GRID2: variants seen among roughly 807,000 people sequenced by gnomAD.
The protein encoded by GRID2 is glutamate ionotropic receptor delta type subunit 2.
Under a neutral mutation model 114.8 loss-of-function variants are expected in GRID2, and 33 were observed. That is an observed-to-expected ratio of 0.29 (90% confidence interval 0.22 to 0.38). GRID2 has a LOEUF of 0.38. GRID2 is among the 10% of genes least tolerant of loss of function. GRID2 has a pLI of 1.00. For synonymous variants in GRID2, 505 were observed against 449.9 expected (o/e 1.12, Z -1.55); for missense variants, 1,184 against 1,257.7 (o/e 0.94, Z 0.89).
At chr4:92,305,515 T>A (rs1160865331) in intron 1 of GRID2, among the ~76,000 whole-genome samples, 1 of 152,012 alleles carries the variant, frequency 6.6e-6, no homozygotes, top group African/African-American at 2.4e-5. Flanking sequence ...TTAGCAGATA[T>A]CCGCCTTGCC....
At chr4:92,851,876 A>C (rs1304863438) in intron 2 of GRID2, among the ~76,000 whole-genome samples, 3 of 151,994 alleles carry the variant, frequency 2.0e-5, no homozygotes, top group African/African-American at 4.8e-5. Context: ...GGAATGAATC[A>C]AAAAATATGT....
chr4:93,213,352 C>A (rs980709187), intron 5 of GRID2, among the ~76,000 whole-genome samples: 3 of 151,996 alleles, frequency 2.0e-5, no homozygotes, highest in Non-Finnish European at 4.4e-5. Flanking sequence ...AAATAAGAAA[C>A]AAACACCACA....
rs1357398815 is a variant in GRID2, at chr4:93,455,803, G to A, written c.1687G>A (p.Ala563Thr). Residue 563 changes from alanine (A) to threonine (T), a missense_variant, in exon 11 of 16, where the codon GCA becomes ACA. By Grantham distance (58) the Ala-to-Thr change is moderately conservative (BLOSUM62 0). This residue lies in a region of GRID2 where 717 missense variants were observed against 796.9 expected (regional missense o/e 0.90). Coordinates refer to ENST00000282020, the MANE Select transcript of GRID2 (RefSeq NM_001510.4). ...EKTVDMFACL[A>T]PFDLSLWACI... ...GACAGTGGATATGTTTGCCTGTCTT[G>A]CACCATTTGATCTCTCTCTATGGGC... 1 of 1,613,442 alleles carries A rather than the reference G, an allele frequency of 6.2e-7. No individual in the cohort carries two copies. The highest frequency in any genetic ancestry group is 1.3e-5 in the African/African-American group (1 of 74,898).
At chr4:92,863,085 G>A (rs1368497764) in intron 2 of GRID2, among the ~76,000 whole-genome samples, 2 of 152,076 alleles carry the variant, frequency 1.3e-5, no homozygotes, top group Non-Finnish European at 2.9e-5. Context: ...CTTAGAAACT[G>A]TCTTGGAGTT....
At chr4:92,591,461 ATTAAT>A (rs1379792672) in intron 2 of GRID2, among the ~76,000 whole-genome samples, 1 of 152,186 alleles carries the variant, frequency 6.6e-6, no homozygotes, top group Non-Finnish European at 1.5e-5. Flanking sequence ...TGAATGCAAA[ATTAAT>A]TTAGTCAAAT....
At chr4:93,460,771 G>T in intron 11 of GRID2, among the ~76,000 whole-genome samples, 1 of 152,046 alleles carries the variant, frequency 6.6e-6, no homozygotes, top group East Asian at 1.9e-4. Flanking sequence ...GCAATATTTT[G>T]TTTATTAGAT....
intron 2 of GRID2, among the ~76,000 whole-genome samples, chr4:92,755,953 C>T (rs553734152): frequency 2.0e-5 from 3 of 152,188 alleles, no homozygotes; most frequent in Non-Finnish European, 2.9e-5. Context: ...TTATCTTTTC[C>T]GTCTGCTGAG....
At chr4:93,706,431 T>G (rs1728002672) in intron 14 of GRID2, among the ~76,000 whole-genome samples, 1 of 152,192 alleles carries the variant, frequency 6.6e-6, no homozygotes, top group Admixed American at 6.5e-5. Flanking sequence ...GATCTTTCAC[T>G]TCTTTGATTG....
intron 8 of GRID2, among the ~76,000 whole-genome samples, chr4:93,368,466 A>G (rs1013992167): frequency 1.3e-5 from 2 of 152,032 alleles, no homozygotes; most frequent in Non-Finnish European, 1.5e-5. Context: ...GGTTTGTTAC[A>G]TATGTATACA....
At chr4:92,638,678 A>T (rs982943599) in intron 2 of GRID2, among the ~76,000 whole-genome samples, 1 of 150,444 alleles carries the variant, frequency 6.6e-6, no homozygotes, top group Non-Finnish European at 1.5e-5. Context: ...AATATGTAAT[A>T]TAAGGAAAAA....
chr4:92,598,316 T>C (rs1336881297), intron 2 of GRID2, among the ~76,000 whole-genome samples: 3 of 152,154 alleles, frequency 2.0e-5, no homozygotes, highest in Non-Finnish European at 4.4e-5. Flanking sequence ...CCTGTCGTCT[T>C]ACATGGTTAA....
At chr4:93,345,966 T>G (rs1400978189) in intron 8 of GRID2, among the ~76,000 whole-genome samples, 1 of 152,114 alleles carries the variant, frequency 6.6e-6, no homozygotes, top group East Asian at 1.9e-4. Flanking sequence ...ATGCATGGAT[T>G]TTTTTCTAGG....
chr4:93,453,292 A>C (rs1722872732), intron 10 of GRID2, among the ~76,000 whole-genome samples: 1 of 149,594 alleles, frequency 6.7e-6, no homozygotes, highest in Non-Finnish European at 1.5e-5. Flanking sequence ...CTTTAGGAAG[A>C]CTATACAAAA....
At chr4:93,133,793 A>G (rs2149378284) in intron 4 of GRID2, among the ~76,000 whole-genome samples, 1 of 152,294 alleles carries the variant, frequency 6.6e-6, no homozygotes, top group Non-Finnish European at 1.5e-5. Context: ...AAATGGAGAA[A>G]AAAGAATGCC....
intron 2 of GRID2, among the ~76,000 whole-genome samples, chr4:92,811,888 T>C (rs1167053601): frequency 6.6e-6 from 1 of 152,124 alleles, no homozygotes; most frequent in Non-Finnish European, 1.5e-5. Flanking sequence ...TTAGATTCAA[T>C]TTTAAAGATG....
intron 2 of GRID2, among the ~76,000 whole-genome samples, chr4:92,644,039 G>A (rs1448899122): frequency 1.3e-5 from 2 of 151,532 alleles, no homozygotes; most frequent in African/African-American, 2.4e-5. Flanking sequence ...TAGTTATCCT[G>A]AGAGACAAAA....
At chr4:92,519,661 T>C (rs1429304205) in intron 1 of GRID2, among the ~76,000 whole-genome samples, 1 of 151,348 alleles carries the variant, frequency 6.6e-6, no homozygotes, top group African/African-American at 2.4e-5. Flanking sequence ...TTATAGGAAA[T>C]TGGTTTACAT....
intron 13 of GRID2, among the ~76,000 whole-genome samples, chr4:93,555,183 A>C (rs1734189177): frequency 6.6e-6 from 1 of 152,156 alleles, no homozygotes; most frequent in Non-Finnish European, 1.5e-5. Flanking sequence ...CTGGGTGGCC[A>C]CTTGGGCAGA....
intron 1 of GRID2, among the ~76,000 whole-genome samples, chr4:92,451,283 G>A (rs868488907): frequency 3.3e-5 from 5 of 151,948 alleles, no homozygotes; most frequent in South Asian, 2.1e-4. Context: ...CATGAAAGCC[G>A]GTAATTCTAA....
Sources: allele counts gnomAD v4.1 joint callset (sites outside exome capture counted in the v4.1 genomes callset), GRCh38; gene constraint gnomAD v4.1.1; regional missense constraint gnomAD v4.1.1; transcripts MANE v1.5; gene names NCBI Gene and HGNC (gene_info 2026-07-23, HGNC 2026-07-21).